The following CTBP2 variants were observed in gnomAD, a reference collection of about 807,000 sequenced individuals.
CTBP2 encodes the protein C-terminal binding protein 2, also known as C-terminal-binding protein 2.
Under a neutral mutation model 80.3 loss-of-function variants are expected in CTBP2, and 30 were observed. The ratio of observed to expected loss-of-function variants is 0.37; its 90% confidence interval spans 0.28 to 0.51. The LOEUF (loss-of-function observed/expected upper bound fraction) is 0.51. Among genes scored for constraint, CTBP2 ranks in the 20% least tolerant of loss-of-function variants. The pLI is 0.93. For synonymous variants in CTBP2, 594 were observed against 587.4 expected, an observed-to-expected ratio of 1.01 and a Z score of -0.16; for missense variants, 1,212 against 1,375.3, an observed-to-expected ratio of 0.88 and a Z score of 1.88.
At chr10:125,015,889 C>T (rs7899799) in intron 1 of CTBP2, among the ~76,000 whole-genome samples, 1,607 of 152,322 alleles carry the variant, frequency 0.011, 25 homozygotes, top group African/African-American at 0.036. Context: ...GGGCTGGCAG[C>T]GTGTCCAGTG....
chr10:125,153,914 T>G (rs1708872247), intron 1 of CTBP2, among the ~76,000 whole-genome samples: 1 of 152,202 alleles, frequency 6.6e-6, no homozygotes. Context: ...TAAGCTGGAC[T>G]TTACAAGCCC....
At chr10:125,116,899 C>T (rs916005751) in intron 1 of CTBP2, among the ~76,000 whole-genome samples, 2 of 152,232 alleles carry the variant, frequency 1.3e-5, no homozygotes, top group African/African-American at 4.8e-5. Flanking sequence ...CCAAAACTGA[C>T]CTGCCTACAG....
intron 1 of CTBP2, among the ~76,000 whole-genome samples, chr10:125,127,985 TAA>T (rs1166641879): frequency 1.3e-5 from 2 of 152,196 alleles, no homozygotes; most frequent in Non-Finnish European, 2.9e-5. Flanking sequence ...GGAATCCACT[TAA>T]GAGAACATTC....
At chr10:125,032,063 A>C (rs1306537527), upstream of CTBP2, among the ~76,000 whole-genome samples, 5 of 152,118 alleles carry the variant, frequency 3.3e-5, no homozygotes, top group African/African-American at 1.2e-4. Flanking sequence ...AGAAAAAAAA[A>C]AACAAGCCCA....
chr10:125,105,363 G>T (rs1200677157), intron 2 of CTBP2, among the ~76,000 whole-genome samples: 1 of 152,198 alleles, frequency 6.6e-6, no homozygotes, highest in Non-Finnish European at 1.5e-5. Context: ...TGTTGCCCAG[G>T]CTGGTCTCAA....
chr10:125,093,675 T>C (rs937950071), intron 2 of CTBP2, among the ~76,000 whole-genome samples: 5 of 152,166 alleles, frequency 3.3e-5, no homozygotes, highest in Non-Finnish European at 7.3e-5. Flanking sequence ...ATTCCTTGCC[T>C]TGGGGAAAGA....
intron 1 of CTBP2, among the ~76,000 whole-genome samples, chr10:125,017,040 C>T (rs772730257): frequency 7.9e-4 from 120 of 152,276 alleles, no homozygotes; most frequent in Non-Finnish European, 3.4e-4. Context: ...CCTTCCACCA[C>T]GAAAAATCCC....
chr10:125,036,411 C>T (rs1260904540), intron 3 of CTBP2, among the ~76,000 whole-genome samples: 1 of 151,818 alleles, frequency 6.6e-6, no homozygotes, highest in African/African-American at 2.4e-5. Flanking sequence ...TGTATCCAGA[C>T]ACCAAGAGCA....
Position 124,993,927 on chromosome 10 carries a change from G to C in CTBP2, c.2459C>G (p.Ala820Gly), listed in dbSNP as rs771222933. Reference sequence around the variant, plus strand: ...GCCCTCCTTGAGGGCTTGTGCTAAGGCTTTCTCGTCCACCAGGCCGCCACG... The same window carrying C: ...GCCCTCCTTGAGGGCTTGTGCTAAGCCTTTCTCGTCCACCAGGCCGCCACG... The change falls in exon 6 of 9, where the codon GCC becomes GGC. Residue 820 changes from alanine (A) to glycine (G), a missense_variant. Coordinates refer to ENST00000309035, the MANE Select transcript of CTBP2 (RefSeq NM_022802.3). The C allele has an allele frequency of 6.2e-7, 1 of 1,614,204 alleles. No homozygotes were observed. Among genetic ancestry groups the C allele is most frequent in the Non-Finnish European group, 8.5e-7 (1 of 1,180,044 alleles).
chr10:125,057,156 G>C (rs1005348533), intron 2 of CTBP2, among the ~76,000 whole-genome samples: 1 of 152,190 alleles, frequency 6.6e-6, no homozygotes, highest in Non-Finnish European at 1.5e-5. Context: ...AGGGTTAAAC[G>C]GATTGTTAGA....
intron 2 of CTBP2, among the ~76,000 whole-genome samples, chr10:125,057,825 A>G (rs1964248315): frequency 6.6e-6 from 1 of 152,122 alleles, no homozygotes; most frequent in Non-Finnish European, 1.5e-5. Flanking sequence ...TTCAGTAAAA[A>G]GCATCCCAGT....
chr10:125,029,245 G>GC (rs1957946211), upstream of CTBP2, among the ~76,000 whole-genome samples: 1 of 137,822 alleles, frequency 7.3e-6, no homozygotes, highest in African/African-American at 2.7e-5. Context: ...TTGAGACACA[G>GC]TTTTTTTTTT....
rs746313497 is a variant in CTBP2, at chr10:124,994,541, G to A, written c.2328C>T (p.Ser776=). 60 of 1,614,000 alleles carry A rather than the reference G, an allele frequency of 3.7e-5. 1 individual carries two copies. In the South Asian group the frequency reaches 5.6e-4, roughly 15 times the overall value. Residue 776 remains serine, a synonymous_variant, in exon 5 of 9, where the codon AGC becomes AGT. Transcript: ENST00000309035. The stretch of plus-strand genomic sequence containing the variant: ...GATTGCAGTGCAAGGAGACGCAGTC[G>A]CTCTGATACAGCAAATCCTGCAGGG...
At chr10:125,010,793 C>A (rs1955799407) in intron 1 of CTBP2, among the ~76,000 whole-genome samples, 1 of 152,166 alleles carries the variant, frequency 6.6e-6, no homozygotes, top group Admixed American at 6.5e-5. Flanking sequence ...TGAAGCACAC[C>A]TTCTAAACTT....
intron 2 of CTBP2, among the ~76,000 whole-genome samples, chr10:125,102,547 T>C (rs1021767619): frequency 3.3e-5 from 5 of 152,168 alleles, no homozygotes; most frequent in South Asian, 2.1e-4. Context: ...CACAAATCAA[T>C]GTTGAGTCCT....
At chr10:125,144,136 C>G (rs1055670524) in intron 1 of CTBP2, among the ~76,000 whole-genome samples, 1 of 152,206 alleles carries the variant, frequency 6.6e-6, no homozygotes. Context: ...TAAGGACACC[C>G]GTGGATGCTC....
intron 2 of CTBP2, among the ~76,000 whole-genome samples, chr10:125,101,066 T>C (rs1850544670): frequency 6.6e-6 from 1 of 152,234 alleles, no homozygotes; most frequent in Admixed American, 6.5e-5. Flanking sequence ...CCAGGGATCT[T>C]ATAAGCTGTG....
chr10:125,150,191 C>A, intron 1 of CTBP2, among the ~76,000 whole-genome samples: 1 of 152,206 alleles, frequency 6.6e-6, no homozygotes, highest in Admixed American at 6.5e-5. Context: ...GGGGTGCATC[C>A]CATGGACCCA....
chr10:125,058,982 G>A (rs1287467254), intron 2 of CTBP2, among the ~76,000 whole-genome samples: 2 of 152,130 alleles, frequency 1.3e-5, no homozygotes, highest in Admixed American at 6.5e-5. Context: ...ACATCCCCAC[G>A]GTCAGGCAGG....
Sources: gnomAD v4.1 joint callset for allele counts (sites outside exome capture counted in the v4.1 genomes callset) on GRCh38, gnomAD v4.1.1 for gene constraint, MANE v1.5 for transcripts, NCBI Gene and HGNC (gene_info 2026-07-23, HGNC 2026-07-21) for gene names.